ANKRD36C: variants seen among roughly 807,000 people sequenced by gnomAD.
ANKRD36C encodes the protein ankyrin repeat domain 36C, also known as ankyrin repeat domain-containing protein 36C.
ANKRD36C carries 61 observed loss-of-function variants against 276.4 expected under a neutral mutation model. That is an observed-to-expected ratio of 0.22 (90% CI 0.18 to 0.27). The LOEUF is 0.27. ANKRD36C is among the 10% of genes least tolerant of loss of function. ANKRD36C has a pLI of 1.00. For synonymous variants in ANKRD36C, 483 were observed against 680.1 expected, an observed-to-expected ratio of 0.71 and a Z score of 4.51; for missense variants, 1,447 against 2,032.3, an observed-to-expected ratio of 0.71 and a Z score of 5.54.
intron 36 of ANKRD36C, among the ~76,000 whole-genome samples, chr2:95,916,775 A>T (rs1677109983): frequency 6.6e-6 from 1 of 151,630 alleles, no homozygotes; most frequent in Non-Finnish European, 1.5e-5. Flanking sequence ...TAATTTGCCT[A>T]AGTTTCTTGG....
At chr2:95,958,537 A>G in intron 12 of ANKRD36C, 54 bp downstream of exon 12, 1 of 1,536,092 alleles carries the variant, frequency 6.5e-7, no homozygotes, top group Non-Finnish European at 8.8e-7. Flanking sequence ...CGGGGAAGGG[A>G]AGTTCTCCTC....
chr2:95,971,380 G>A (rs944958439), intron 6 of ANKRD36C, among the ~76,000 whole-genome samples: 1 of 149,714 alleles, frequency 6.7e-6, no homozygotes, highest in Non-Finnish European at 1.5e-5. Flanking sequence ...TACCACTCAG[G>A]TGGGAGATAT....
chr2:95,915,397 C>G (rs190852027), intron 38 of ANKRD36C, among the ~76,000 whole-genome samples: 668 of 151,618 alleles, frequency 4.4e-3, no homozygotes, highest in Non-Finnish European at 7.0e-3. Context: ...GCTGGAGCTG[C>G]CAAAATCAAA....
chr2:95,963,828 T>G (rs1227382590), intron 6 of ANKRD36C, among the ~76,000 whole-genome samples: 1 of 122,634 alleles, frequency 8.2e-6, no homozygotes, highest in Non-Finnish European at 1.7e-5. Context: ...TGCAAAAACA[T>G]ACATGTCAAA....
intron 42 of ANKRD36C, chr2:95,908,535 T>C (rs1208254778): frequency 6.5e-7 from 1 of 1,546,824 alleles, no homozygotes; most frequent in African/African-American, 1.4e-5. Context: ...TTTTTTCCTC[T>C]GGCTATATTC....
At chr2:95,928,697 C>T (rs1677477998) in intron 26 of ANKRD36C, among the ~76,000 whole-genome samples, 1 of 151,310 alleles carries the variant, frequency 6.6e-6, no homozygotes, top group African/African-American at 2.4e-5. Context: ...ATCACTTTTC[C>T]CTCTGTTTAT....
chr2:95,963,971 AAATAT>A (rs1678521170), intron 6 of ANKRD36C, among the ~76,000 whole-genome samples: 2 of 49,372 alleles, frequency 4.1e-5, no homozygotes, highest in Non-Finnish European at 7.4e-5. Context: ...ATATATATAT[AAATAT>A]ATATATATAT....
At chr2:95,916,374 C>CA (rs1280161034) in intron 36 of ANKRD36C, among the ~76,000 whole-genome samples, 2 of 151,512 alleles carry the variant, frequency 1.3e-5, no homozygotes, top group Non-Finnish European at 3.0e-5. Context: ...TATACCCTTA[C>CA]AATTTCAAAC....
intron 55 of ANKRD36C, 35 bp downstream of exon 75, chr2:95,882,434 T>G (rs994281267): frequency 1.3e-6 from 2 of 1,547,392 alleles, no homozygotes; most frequent in South Asian, 2.4e-5. Context: ...GGCTATGCAA[T>G]AAATAATTCA....
At chr2:95,929,535 T>A (rs1422448185) in intron 24 of ANKRD36C, among the ~76,000 whole-genome samples, 1 of 151,700 alleles carries the variant, frequency 6.6e-6, no homozygotes, top group East Asian at 1.9e-4. Context: ...TAAAACCATG[T>A]CAATATCAAT....
Position 95,917,940 on chromosome 2 carries a change from T to A in ANKRD36C, c.2275-13A>T, listed in dbSNP as rs774117852. On this transcript the variant is annotated splice_polypyrimidine_tract_variant and intron_variant, in intron 35 of 66. Transcript: ENST00000456556. ...CGTCAGTTGTAGCCTGAATGGAATT[T>A]GAAAGAAAATAATAAATAAATAAAT... 1.3e-5 allele frequency: 21 copies of A among 1,603,076 alleles called. No homozygotes were observed. Among genetic ancestry groups the A allele is most frequent in the Non-Finnish European group, 1.8e-5 (21 of 1,175,094 alleles).
At chr2:95,927,635 C>T (rs1409087738) in intron 26 of ANKRD36C, among the ~76,000 whole-genome samples, 4 of 151,508 alleles carry the variant, frequency 2.6e-5, no homozygotes, top group Admixed American at 6.6e-5. Flanking sequence ...TGGTATGATT[C>T]GTGATATGTC....
At chr2:95,941,756 A>G (rs1353675183) in intron 19 of ANKRD36C, among the ~76,000 whole-genome samples, 1 of 152,312 alleles carries the variant, frequency 6.6e-6, no homozygotes, top group East Asian at 1.9e-4. Context: ...GATGAGTTAG[A>G]TCAAAGTAAA....
intron 30 of ANKRD36C, among the ~76,000 whole-genome samples, chr2:95,924,370 C>A (rs1677352046): frequency 6.6e-6 from 1 of 151,454 alleles, no homozygotes; most frequent in Non-Finnish European, 1.5e-5. Context: ...TAAACCTCAT[C>A]AAAAAGTACA....
At chr2:95,929,396 T>C (rs1677504222) in intron 24 of ANKRD36C, 129 bp from the exon 25 acceptor site, 2 of 659,620 alleles carry the variant, frequency 3.0e-6, no homozygotes, top group Non-Finnish European at 5.1e-6. Flanking sequence ...GCTTTGATAT[T>C]TTATACTTTG....
At chr2:95,967,380 T>G (rs1162401048) in intron 6 of ANKRD36C, among the ~76,000 whole-genome samples, 15 of 152,096 alleles carry the variant, frequency 9.9e-5, no homozygotes, top group Non-Finnish European at 4.4e-5. Flanking sequence ...AAGAAACATC[T>G]GAAAAAAAGC....
intron 6 of ANKRD36C, among the ~76,000 whole-genome samples, chr2:95,967,268 G>C (rs1678611050): frequency 6.6e-6 from 1 of 152,068 alleles, no homozygotes; most frequent in South Asian, 2.1e-4. Flanking sequence ...CTAATATCTA[G>C]AATCTACAAG....
intron 24 of ANKRD36C, among the ~76,000 whole-genome samples, chr2:95,931,972 G>C (rs1336483641): frequency 6.6e-6 from 1 of 152,272 alleles, no homozygotes; most frequent in Non-Finnish European, 1.5e-5. Flanking sequence ...ATCAACAAAG[G>C]GGTTCTAAAT....
chr2:95,916,058 T>A lies in ANKRD36C; in HGVS notation c.2377-6A>T, dbSNP rs948921369. 1.3e-6 allele frequency: 2 copies of A among 1,590,390 alleles called. No individual in the cohort carries two copies. Among genetic ancestry groups the A allele is most frequent in the Non-Finnish European group, 1.7e-6 (2 of 1,169,914 alleles). On this transcript the variant is annotated splice_region_variant and splice_polypyrimidine_tract_variant and intron_variant, in intron 37 of 66. Coordinates refer to ENST00000456556, the Ensembl canonical transcript of ANKRD36C. Reference sequence around the variant, plus strand: ...TCTTTCTCATCACTTGTAGCCTGAATGGAATTTGAAACAAAATAATAAATA... The same window carrying A: ...TCTTTCTCATCACTTGTAGCCTGAAAGGAATTTGAAACAAAATAATAAATA...
Sources: gnomAD v4.1 joint callset for allele counts (sites outside exome capture counted in the v4.1 genomes callset) on GRCh38, gnomAD v4.1.1 for gene constraint, MANE v1.5 for transcripts, NCBI Gene and HGNC (gene_info 2026-07-23, HGNC 2026-07-21) for gene names.